LONP2: variants seen among roughly 807,000 people sequenced by gnomAD.
LONP2 encodes the protein lon peptidase 2, peroxisomal, also known as lon protease homolog 2, peroxisomal.
In LONP2, 60 loss-of-function variants were observed where a neutral mutation model predicts 85.6. The ratio of observed to expected loss-of-function variants is 0.70; its 90% CI spans 0.57 to 0.87. The LOEUF (loss-of-function observed/expected upper bound fraction) is 0.87, where lower values mean the gene tolerates loss of function less well. LONP2 is among the 40% of genes least tolerant of loss of function. The probability of loss-of-function intolerance (pLI) is 0.00; values close to 1 mark genes in which losing one functional copy is unlikely to be tolerated. For missense variants in LONP2, 860 were observed against 1,063.5 expected (o/e 0.81, Z 2.66); for synonymous variants, 395 against 389.7 (o/e 1.01, Z -0.16).
intron 8 of LONP2, among the ~76,000 whole-genome samples, chr16:48,292,487 T>C (rs1972576415): frequency 6.6e-6 from 1 of 152,194 alleles, no homozygotes; most frequent in African/African-American, 2.4e-5. Context: ...AGATTTACTT[T>C]CCTTTCACAC....
At chr16:48,283,091 G>C (rs1972365176) in intron 8 of LONP2, among the ~76,000 whole-genome samples, 1 of 152,190 alleles carries the variant, frequency 6.6e-6, no homozygotes, top group South Asian at 2.1e-4. Context: ...AGGCCCTAAG[G>C]CTCTTCAGTT....
At chr16:48,298,296 G>A (rs1596960628) in intron 9 of LONP2, among the ~76,000 whole-genome samples, 1 of 152,116 alleles carries the variant, frequency 6.6e-6, no homozygotes, top group Non-Finnish European at 1.5e-5. Context: ...TTGTTAAATG[G>A]AAAGGGACAT....
At chr16:48,315,098 A>T (rs1280461683) in intron 11 of LONP2, among the ~76,000 whole-genome samples, 1 of 152,264 alleles carries the variant, frequency 6.6e-6, no homozygotes, top group African/African-American at 2.4e-5. Flanking sequence ...ACCAACTGAC[A>T]TAGGCTTTGC....
At chr16:48,285,183 G>A (rs771586505) in intron 8 of LONP2, among the ~76,000 whole-genome samples, 10 of 151,938 alleles carry the variant, frequency 6.6e-5, no homozygotes, top group Non-Finnish European at 1.2e-4. Context: ...TCTGGTCTCT[G>A]TGGTTTCTGC....
chr16:48,344,612 A>G (rs1309768320), intron 12 of LONP2: 2 of 152,208 alleles, frequency 1.3e-5, no homozygotes, highest in Non-Finnish European at 2.9e-5. Context: ...TTGAAGCAAC[A>G]TGGTAATCAA....
Position 48,347,544 on chromosome 16 carries a change from G to A in LONP2, c.1976G>A (p.Gly659Asp). Reference protein sequence around the residue: ...QRLSQPGVAIGLAWTPLGGEI... With the variant: ...QRLSQPGVAIDLAWTPLGGEI... Reference sequence around the variant, plus strand: ...TTGAGTCAGCCAGGAGTAGCAATAGGTTTGGCTTGGACTCCCTTAGGTGGA... The same window carrying A: ...TTGAGTCAGCCAGGAGTAGCAATAGATTTGGCTTGGACTCCCTTAGGTGGA... The change falls in exon 13 of 15, where the codon GGT becomes GAT. Residue 659 changes from glycine to aspartate, a missense_variant. Transcript: ENST00000285737. 1 of 1,614,228 alleles carries A rather than the reference G, an allele frequency of 6.2e-7. No homozygotes were observed. The highest frequency in any genetic ancestry group is 8.5e-7 in the Non-Finnish European group (1 of 1,180,034).
chr16:48,273,366 G>A (rs981946808), intron 7 of LONP2, among the ~76,000 whole-genome samples: 1 of 152,154 alleles, frequency 6.6e-6, no homozygotes, highest in African/African-American at 2.4e-5. Flanking sequence ...ATGATAATGA[G>A]GTGGGAGATG....
intron 12 of LONP2, chr16:48,345,731 T>A (rs954243154): frequency 6.6e-5 from 10 of 152,198 alleles, no homozygotes; most frequent in Admixed American, 2.0e-4. Flanking sequence ...TAATTTTTTT[T>A]AATGTATGTT....
rs771198958 is a variant in LONP2, at chr16:48,348,137, C to T, written c.2184C>T (p.Ile728=). 3.7e-6 allele frequency: 6 copies of T among 1,610,274 alleles called. No homozygotes were observed. The South Asian group carries it at 6.7e-5, about 18-fold the overall frequency. The change falls in exon 14 of 15, where the codon ATC becomes ATT. Residue 728 remains isoleucine, a synonymous_variant. Coordinates refer to ENST00000285737, the MANE Select transcript of LONP2 (RefSeq NM_031490.5). ...TTGATCTTCTTGACAACACAGACAT[C>T]CATCTGCACTTCCCAGCTGGAGCTG... ...GSFDLLDNTD[I]HLHFPAGAVT...
rs936329349 is a variant in LONP2, at chr16:48,356,166, G to A, written c.*4364G>A. On this transcript the variant is annotated 3_prime_UTR_variant, in exon 15 of 15. Coordinates refer to ENST00000285737, the MANE Select transcript of LONP2 (RefSeq NM_031490.5). ...TTCACGAGAAATCCATGACCGTAAA[G>A]TACTGTGATAGTGATGTCTACCACT... is the stretch of plus-strand genomic sequence containing the variant. 6.6e-6 allele frequency: 1 copy of A among 152,178 alleles called. No homozygotes were observed. The highest frequency in any genetic ancestry group is 2.4e-5 in the African/African-American group (1 of 41,442). 9.4% of individuals were successfully genotyped at this position (152,178 alleles called of 1,614,324 possible). A position where few individuals can be genotyped will look rare whatever the true frequency, so the allele number is the denominator to read the frequency against.
intron 11 of LONP2, among the ~76,000 whole-genome samples, chr16:48,305,455 A>G (rs935990684): frequency 7.2e-5 from 11 of 152,088 alleles, no homozygotes; most frequent in Non-Finnish European, 1.5e-4. Context: ...GGGTTTCACC[A>G]TGTTGGCCAG....
At chr16:48,277,217 C>A in intron 7 of LONP2, 121 bp from the exon 8 acceptor site, 1 of 854,084 alleles carries the variant, frequency 1.2e-6, no homozygotes, top group Non-Finnish European at 1.8e-6. Flanking sequence ...CATAGTACCT[C>A]TTTGCTATAT....
intron 12 of LONP2, chr16:48,344,622 A>AT: frequency 6.6e-6 from 1 of 152,330 alleles, no homozygotes; most frequent in Middle Eastern, 3.4e-3. Flanking sequence ...ATGGTAATCA[A>AT]TAAGAATCTT....
In LONP2 at chr16:48,348,206, T is replaced by C; in HGVS notation, c.2253T>C (p.Cys751=). The C allele has an allele frequency of 6.2e-7, 1 of 1,612,830 alleles. No individual in the cohort carries two copies. The highest frequency in any genetic ancestry group is 1.7e-4 in the Middle Eastern group (1 of 6,052). ...CTGCTGGAGTTACCATAGTAACCTGTCTCGCCTCACTTTTTAGTGGGCGGC... is the reference window on the plus strand; with the variant it reads ...CTGCTGGAGTTACCATAGTAACCTGCCTCGCCTCACTTTTTAGTGGGCGGC... ...GPSAGVTIVT[C]LASLFSGRLV... Residue 751 remains cysteine (C), a synonymous_variant, in exon 14 of 15, where the codon TGT becomes TGC. Coordinates refer to ENST00000285737, the MANE Select transcript of LONP2 (RefSeq NM_031490.5).
chr16:48,263,969 A>G (rs1031134676), intron 6 of LONP2, among the ~76,000 whole-genome samples: 10 of 152,174 alleles, frequency 6.6e-5, no homozygotes, highest in Non-Finnish European at 1.0e-4. Context: ...AGCCACAAAA[A>G]CCAGCAAGTT....
intron 1 of LONP2, among the ~76,000 whole-genome samples, chr16:48,250,165 G>A (rs1315854607): frequency 6.6e-6 from 1 of 151,182 alleles, no homozygotes; most frequent in Non-Finnish European, 1.5e-5. Context: ...ACGTCAGGCT[G>A]GGCGACAGGG....
intron 8 of LONP2, among the ~76,000 whole-genome samples, chr16:48,290,466 C>G (rs753331339): frequency 1.2e-4 from 19 of 152,164 alleles, no homozygotes; most frequent in Non-Finnish European, 2.1e-4. Flanking sequence ...ACTGCCTCCC[C>G]CTTCAGATGC....
rs1277960773 is a variant in LONP2 at position 48,347,529 on chromosome 16, C to T, written c.1961C>T (p.Pro654Leu). 6.2e-7 allele frequency: 1 copy of T among 1,614,060 alleles called. No homozygotes were observed. The highest frequency in any genetic ancestry group is 2.2e-5 in the East Asian group (1 of 44,898). ...AAGGTATCTCAGCGTTTGAGTCAGC[C>T]AGGAGTAGCAATAGGTTTGGCTTGG... is the stretch of plus-strand genomic sequence containing the variant. ...EMEVSQRLSQPGVAIGLAWTP... is the reference protein window; with the variant it reads ...EMEVSQRLSQLGVAIGLAWTP... The change falls in exon 13 of 15, where the codon CCA becomes CTA. Residue 654 changes from proline to leucine, a missense_variant. By Grantham distance (98) the Pro-to-Leu change is moderately conservative. This residue lies in a region of LONP2 where 743 missense variants were observed against 917.3 expected (regional missense o/e 0.81). Transcript: ENST00000285737.
intron 8 of LONP2, among the ~76,000 whole-genome samples, chr16:48,290,294 A>G (rs773849549): frequency 6.6e-5 from 10 of 152,126 alleles, no homozygotes; most frequent in Non-Finnish European, 1.3e-4. Context: ...AGTTTCTCCT[A>G]CTGCACTCTC....
Sources: gnomAD v4.1 joint callset for allele counts (sites outside exome capture counted in the v4.1 genomes callset) on GRCh38, gnomAD v4.1.1 for gene constraint, gnomAD v4.1.1 regional missense constraint, MANE v1.5 for transcripts, NCBI Gene and HGNC (gene_info 2026-07-23, HGNC 2026-07-21) for gene names.